The following MAGI1 variants were observed in gnomAD, a reference collection of about 807,000 sequenced individuals.
The protein encoded by MAGI1 is membrane associated guanylate kinase, WW and PDZ domain containing 1.
Under a neutral mutation model 139.9 loss-of-function variants are expected in MAGI1, and 58 were observed. The observed-to-expected ratio is 0.41, with a 90% CI of 0.34 to 0.52. The LOEUF is 0.52. Ranked by LOEUF, MAGI1 falls within the 20% of genes least tolerant of loss-of-function variation. The pLI, the probability that MAGI1 is intolerant of heterozygous loss-of-function variation, is 0.12. For missense variants in MAGI1, 1,874 were observed against 1,901.6 expected (o/e 0.99, Z 0.27); for synonymous variants, 812 against 737.9 (o/e 1.10, Z -1.63).
intron 14 of MAGI1, among the ~76,000 whole-genome samples, chr3:65,386,300 A>C (rs537448689): frequency 5.5e-4 from 84 of 152,164 alleles, no homozygotes; most frequent in African/African-American, 1.9e-3. Flanking sequence ...GTAAATGGCA[A>C]ATTTATTTAA....
chr3:66,005,327 C>T (rs2066957155), intron 1 of MAGI1, among the ~76,000 whole-genome samples: 1 of 152,132 alleles, frequency 6.6e-6, no homozygotes. Context: ...CAATGAGTGG[C>T]CCATATCTTG....
chr3:65,676,015 G>A (rs140394928), intron 1 of MAGI1, among the ~76,000 whole-genome samples: 2 of 152,256 alleles, frequency 1.3e-5, no homozygotes, highest in East Asian at 3.9e-4. Flanking sequence ...AAAACCACAT[G>A]GTTATCTCAG....
intron 1 of MAGI1, among the ~76,000 whole-genome samples, chr3:65,781,049 A>C (rs2038888830): frequency 6.6e-6 from 1 of 152,176 alleles, no homozygotes. Context: ...TATAAAACTT[A>C]GCCAGGCGTT....
intron 18 of MAGI1, among the ~76,000 whole-genome samples, chr3:65,372,897 T>C (rs1942141085): frequency 6.6e-6 from 1 of 152,224 alleles, no homozygotes; most frequent in Admixed American, 6.5e-5. Flanking sequence ...TTGCTCTGGA[T>C]TGGACTCTGG....
chr3:65,876,601 A>G (rs372152859), intron 1 of MAGI1, among the ~76,000 whole-genome samples: 55 of 152,346 alleles, frequency 3.6e-4, no homozygotes, highest in African/African-American at 1.3e-3. Context: ...GGGAAATGCC[A>G]GAAGGAACAG....
intron 2 of MAGI1, among the ~76,000 whole-genome samples, chr3:65,510,487 T>A (rs1295450806): frequency 8.8e-5 from 13 of 147,472 alleles, no homozygotes; most frequent in African/African-American, 2.8e-4. Context: ...AAACCAAGGC[T>A]CGAGAACTAC....
At chr3:65,580,316 T>TC (rs2081359148) in intron 2 of MAGI1, among the ~76,000 whole-genome samples, 1 of 109,182 alleles carries the variant, frequency 9.2e-6, no homozygotes, top group African/African-American at 3.1e-5. Context: ...TTCTTTTTTC[T>TC]CCTTTTTTTT....
At chr3:65,359,830 A>C (rs901570579) in intron 22 of MAGI1, 43 of 985,718 alleles carry the variant, frequency 4.4e-5, no homozygotes, top group Middle Eastern at 5.2e-4. Flanking sequence ...ATAGGTTTTG[A>C]GAAGGTACAC....
chr3:66,010,226 GTGC>G, intron 1 of MAGI1, among the ~76,000 whole-genome samples: 1 of 152,124 alleles, frequency 6.6e-6, no homozygotes, highest in South Asian at 2.1e-4. Context: ...TATGAAATGG[GTGC>G]TGCTATTAAC....
At chr3:65,853,046 G>A (rs986513202) in intron 1 of MAGI1, among the ~76,000 whole-genome samples, 1 of 151,900 alleles carries the variant, frequency 6.6e-6, no homozygotes. Context: ...CTACTCGGGA[G>A]GCTGAGGCAG....
intron 1 of MAGI1, among the ~76,000 whole-genome samples, chr3:66,017,242 T>C (rs1576474097): frequency 6.6e-6 from 1 of 152,208 alleles, no homozygotes; most frequent in Non-Finnish European, 1.5e-5. Flanking sequence ...AGTTAGTCAG[T>C]GCGGGAAGAC....
At chr3:65,949,749 A>C (rs1458789920) in intron 1 of MAGI1, among the ~76,000 whole-genome samples, 1 of 152,156 alleles carries the variant, frequency 6.6e-6, no homozygotes. Context: ...TAGGGAAAAA[A>C]GTTTCTTTTA....
At chr3:65,598,319 C>T (rs1559706573) in intron 2 of MAGI1, among the ~76,000 whole-genome samples, 1 of 152,038 alleles carries the variant, frequency 6.6e-6, no homozygotes, top group Non-Finnish European at 1.5e-5. Context: ...CATGGAAAGG[C>T]GGGAAATAGG....
chr3:65,457,824 T>G (rs1173111295), intron 5 of MAGI1, among the ~76,000 whole-genome samples: 1 of 152,180 alleles, frequency 6.6e-6, no homozygotes, highest in Non-Finnish European at 1.5e-5. Flanking sequence ...ATTTAATTAT[T>G]TTTAAATGTA....
At chr3:65,745,969 A>G (rs1311758585) in intron 1 of MAGI1, among the ~76,000 whole-genome samples, 2 of 151,682 alleles carry the variant, frequency 1.3e-5, no homozygotes, top group Non-Finnish European at 2.9e-5. Context: ...GCCTAAAGTG[A>G]TCTACCCACC....
At chr3:65,768,649 T>A (rs949628444) in intron 1 of MAGI1, among the ~76,000 whole-genome samples, 2 of 152,192 alleles carry the variant, frequency 1.3e-5, no homozygotes, top group Admixed American at 1.3e-4. Flanking sequence ...GTAGAATGAC[T>A]TTATTCACAT....
At chr3:65,769,002 A>G (rs541458778) in intron 1 of MAGI1, among the ~76,000 whole-genome samples, 1 of 152,164 alleles carries the variant, frequency 6.6e-6, no homozygotes, top group Admixed American at 6.6e-5. Flanking sequence ...TGAAACCAGC[A>G]AAGAGCCTCT....
intron 1 of MAGI1, among the ~76,000 whole-genome samples, chr3:65,930,247 C>T (rs2062737412): frequency 7.5e-6 from 1 of 132,742 alleles, no homozygotes; most frequent in East Asian, 2.3e-4. Flanking sequence ...ACCCGGGAGG[C>T]GGAGCTTGCA....
chr3:65,749,285 T>C (rs1351652535), intron 1 of MAGI1, among the ~76,000 whole-genome samples: 2 of 152,192 alleles, frequency 1.3e-5, no homozygotes, highest in Non-Finnish European at 2.9e-5. Context: ...ATAGCTATCC[T>C]TATAACTGAG....
Sources: gnomAD v4.1 joint callset for allele counts (sites outside exome capture counted in the v4.1 genomes callset) on GRCh38, gnomAD v4.1.1 for gene constraint, MANE v1.5 for transcripts, NCBI Gene and HGNC (gene_info 2026-07-23, HGNC 2026-07-21) for gene names.